STAT4: variants seen among roughly 807,000 people sequenced by gnomAD.
STAT4 encodes signal transducer and activator of transcription 4.
Under a neutral mutation model 110.5 loss-of-function variants are expected in STAT4, and 42 were observed. The ratio of observed to expected loss-of-function variants is 0.38; its 90% confidence interval spans 0.30 to 0.49. STAT4 has a LOEUF of 0.49. Ranked by LOEUF, STAT4 falls within the 20% of genes least tolerant of loss-of-function variation. STAT4 has a pLI of 0.95. For synonymous variants in STAT4, 284 were observed against 302.2 expected (o/e 0.94, Z 0.63); for missense variants, 632 against 887.9 (o/e 0.71, Z 3.66).
chr2:191,141,604 T>C (rs7599512), intron 3 of STAT4, among the ~76,000 whole-genome samples: 2,815 of 51,992 alleles, frequency 0.054, 93 homozygotes, highest in African/African-American at 0.11. Flanking sequence ...TGTGTATATA[T>C]ACACACACAC....
rs560898910 is a variant in STAT4 at position 191,077,576 on chromosome 2, A to G, written c.274-1251T>C. On this transcript the variant is annotated intron_variant, in intron 3 of 23. Transcript: ENST00000392320. The surrounding 1 kb of genome is among the most constrained non-coding windows in gnomAD (Gnocchi z 4.1). The stretch of plus-strand genomic sequence containing the variant: ...ACAAAAATCCACAAAGTGGAAAATT[A>G]ACAATAAAAAATAGACTATACAGAT... 1.9e-3 allele frequency among the ~76,000 whole-genome samples: 282 copies of G among 152,360 alleles called. No individual in the cohort carries two copies. Among genetic ancestry groups the G allele is most frequent in the Non-Finnish European group, 2.4e-3 (163 of 68,030 alleles).
intron 16 of STAT4, 40 bp from the exon 17 acceptor site, chr2:191,036,339 C>T (rs779435026): frequency 6.2e-7 from 1 of 1,605,758 alleles, no homozygotes; most frequent in Admixed American, 1.7e-5. Context: ...AATTATCTTA[C>T]AGTGGGTAGC....
chr2:191,033,902 A>C lies in STAT4; in HGVS notation c.1715+9T>G. The stretch of plus-strand genomic sequence containing the variant: ...TTAACTCATATGAAAAATATAGCCT[A>C]TAACTTACCCATCAATCCAAAGGGG... On this transcript the variant is annotated intron_variant, in intron 19 of 23. Coordinates refer to ENST00000392320, the MANE Select transcript of STAT4 (RefSeq NM_003151.4). This position sits in a 1 kb window ranked among gnomAD's most constrained non-coding sequence, Gnocchi z 6.9. 6 of 1,590,844 alleles carry C rather than the reference A, an allele frequency of 3.8e-6. No individual in the cohort carries two copies. The highest frequency in any genetic ancestry group is 4.3e-6 in the Non-Finnish European group (5 of 1,167,098).
chr2:191,097,465 A>G (rs1698025148), intron 3 of STAT4, among the ~76,000 whole-genome samples: 1 of 152,120 alleles, frequency 6.6e-6, no homozygotes, highest in Admixed American at 6.5e-5. Context: ...AAATAACACC[A>G]CACATCTACA....
chr2:191,054,673 C>G, intron 13 of STAT4, 139 bp from the exon 14 acceptor site: 1 of 665,780 alleles, frequency 1.5e-6, no homozygotes, highest in Non-Finnish European at 2.5e-6. Context: ...CTCATTGAAA[C>G]CTGACACAAC....
At chr2:191,105,695 T>C (rs1698259608) in intron 3 of STAT4, among the ~76,000 whole-genome samples, 1 of 152,216 alleles carries the variant, frequency 6.6e-6, no homozygotes, top group African/African-American at 2.4e-5. Flanking sequence ...GGATAAAGTT[T>C]GTATTCCGTA....
chr2:191,056,147 A>G (rs1339883944), intron 13 of STAT4, among the ~76,000 whole-genome samples: 1 of 152,236 alleles, frequency 6.6e-6, no homozygotes, highest in African/African-American at 2.4e-5. Context: ...TAGAAAGTAG[A>G]CTTTTATCAT....
At position 191,032,552 on chromosome 2, in the gene STAT4, C is replaced by T. The variant is rs2125138549; in HGVS notation, c.2044+406G>A. ...GGTTAAAAATATAAAACTTATAAAC[C>T]CTGGGGTTCCTTTGCAATATACAGA... On this transcript the variant is annotated intron_variant, in intron 21 of 23. Coordinates refer to ENST00000392320, the MANE Select transcript of STAT4 (RefSeq NM_003151.4). This position sits in a 1 kb window ranked among gnomAD's most constrained non-coding sequence, Gnocchi z 4.9. 6.6e-6 allele frequency among the ~76,000 whole-genome samples: 1 copy of T among 152,160 alleles called. No homozygotes were observed. Among genetic ancestry groups the T allele is most frequent in the South Asian group, 2.1e-4 (1 of 4,820 alleles).
chr2:191,130,259 GC>G (rs1469660073), intron 3 of STAT4, among the ~76,000 whole-genome samples: 1 of 129,436 alleles, frequency 7.7e-6, no homozygotes, highest in East Asian at 2.2e-4. Flanking sequence ...ATCTTGGCCT[GC>G]CGCCCAGGCT....
rs112520331 is a variant in STAT4, at chr2:191,110,937, C to T, written c.274-34612G>A. On this transcript the variant is annotated intron_variant, in intron 3 of 23. Transcript: ENST00000392320. This position sits in a 1 kb window ranked among gnomAD's most constrained non-coding sequence, Gnocchi z 4.5. ...TTGCCGGGATTACAGGTGGGTGACA[C>T]CAGGCCCAGCGAATTTTTCTGTATT... Among the ~76,000 whole-genome samples the T allele has an allele frequency of 2.4e-3, 366 of 152,184 alleles. No homozygotes were observed. Among genetic ancestry groups the T allele is most frequent in the African/African-American group, 8.1e-3 (338 of 41,500 alleles).
In STAT4 at chr2:191,146,532, T is replaced by C. The variant is rs1367047283; in HGVS notation, c.273+81A>G. ...TCCCCTAAATTTCATTTGAAAATAATATAAGGGTACATATTTAATTTTTAA... is the reference window on the plus strand; with the variant it reads ...TCCCCTAAATTTCATTTGAAAATAACATAAGGGTACATATTTAATTTTTAA... On this transcript the variant is annotated intron_variant, in intron 3 of 23. Transcript: ENST00000392320. This position sits in a 1 kb window ranked among gnomAD's most constrained non-coding sequence, Gnocchi z 4.5. 1 of 1,220,388 alleles carries C rather than the reference T, an allele frequency of 8.2e-7. No homozygotes were observed. The highest frequency in any genetic ancestry group is 1.6e-5 in the African/African-American group (1 of 63,710). 75.6% of individuals were successfully genotyped at this position (1,220,388 alleles called of 1,614,324 possible).
intron 1 of STAT4, among the ~76,000 whole-genome samples, chr2:191,149,017 C>T (rs16833418): frequency 1.5e-4 from 23 of 152,288 alleles, no homozygotes; most frequent in Non-Finnish European, 2.8e-4. Flanking sequence ...CCCCTTGTAA[C>T]CCCACTCTGG....
Position 191,042,777 on chromosome 2 carries a change from C to CTG in STAT4, c.1252-1630_1252-1629insCA, listed in dbSNP as rs1696243015. 6.8e-6 allele frequency among the ~76,000 whole-genome samples: 1 copy of CTG among 147,632 alleles called. No individual in the cohort carries two copies. Among genetic ancestry groups the CTG allele is most frequent in the Non-Finnish European group, 1.5e-5 (1 of 66,730 alleles). The stretch of plus-strand genomic sequence containing the variant: ...CTTAAATTCATTCATTGTATTCTCT[C>CTG]TTTTTTTTTTTTCTTTTTTGAGATG... On this transcript the variant is annotated intron_variant, in intron 14 of 23. Coordinates refer to ENST00000392320, the MANE Select transcript of STAT4 (RefSeq NM_003151.4). The surrounding 1 kb of genome is among the most constrained non-coding windows in gnomAD (Gnocchi z 4.2).
At chr2:191,119,265 G>T (rs1393787215) in intron 3 of STAT4, among the ~76,000 whole-genome samples, 2 of 152,184 alleles carry the variant, frequency 1.3e-5, no homozygotes, top group Non-Finnish European at 2.9e-5. Flanking sequence ...CACCCTTGGG[G>T]TCATTCTTTG....
intron 3 of STAT4, among the ~76,000 whole-genome samples, chr2:191,127,494 A>G (rs1698912687): frequency 6.6e-6 from 1 of 152,200 alleles, no homozygotes; most frequent in Admixed American, 6.5e-5. Context: ...ACCACACTAC[A>G]TCATAAATAT....
rs947380295 is a variant in STAT4, at chr2:191,116,456, C to T, written c.273+30157G>A. Among the ~76,000 whole-genome samples the T allele has an allele frequency of 1.3e-5, 2 of 152,074 alleles. No homozygotes were observed. Among genetic ancestry groups the T allele is most frequent in the Admixed American group, 6.6e-5 (1 of 15,262 alleles). On this transcript the variant is annotated intron_variant, in intron 3 of 23. Coordinates refer to ENST00000392320, the MANE Select transcript of STAT4 (RefSeq NM_003151.4). The surrounding 1 kb of genome is among the most constrained non-coding windows in gnomAD (Gnocchi z 4.1). ...CTAATTCAAGTTAGAAAGAAATACC[C>T]GAGTAGCCTAGAAAATAATCTTCTA...
chr2:191,081,539 T>C (rs1278830078), intron 3 of STAT4, among the ~76,000 whole-genome samples: 1 of 152,244 alleles, frequency 6.6e-6, no homozygotes. Context: ...TCATGCTAAC[T>C]GGCGTGAGAT....
chr2:191,092,325 A>G (rs956275121), intron 3 of STAT4, among the ~76,000 whole-genome samples: 1 of 152,012 alleles, frequency 6.6e-6, no homozygotes, highest in Non-Finnish European at 1.5e-5. Context: ...ACTTGCTTGA[A>G]CCCGGGAGGT....
Position 191,030,827 on chromosome 2 carries a change from C to T in STAT4, c.2220+145G>A. On this transcript the variant is annotated intron_variant, in intron 23 of 23. Transcript: ENST00000392320. The surrounding 1 kb of genome is among the most constrained non-coding windows in gnomAD (Gnocchi z 4.4). ...TCAGCAACACGCAGGACCATCCAGACACCTTTTGTGTTATGCTCATGAATT... is the reference window on the plus strand; with the variant it reads ...TCAGCAACACGCAGGACCATCCAGATACCTTTTGTGTTATGCTCATGAATT... The T allele has an allele frequency of 1.4e-6, 1 of 693,256 alleles. No individual in the cohort carries two copies. Among genetic ancestry groups the T allele is most frequent in the Non-Finnish European group, 2.5e-6 (1 of 401,702 alleles). The allele number at this position is 693,256 out of a possible 1,614,324, so 42.9% of individuals were successfully genotyped here.
Sources: allele counts gnomAD v4.1 joint callset (sites outside exome capture counted in the v4.1 genomes callset), GRCh38; gene constraint gnomAD v4.1.1; non-coding constraint Gnocchi (gnomAD v3.1); transcripts MANE v1.5; gene names NCBI Gene and HGNC (gene_info 2026-07-23, HGNC 2026-07-21).